Variants in TOP1MT observed in about 807,000 individuals in gnomAD.
TOP1MT encodes the protein DNA topoisomerase I, mitochondrial.
TOP1MT carries 80 observed loss-of-function variants against 73.9 expected under a neutral mutation model. The observed-to-expected ratio is 1.08, with a 90% CI of 0.90 to 1.30. The LOEUF (loss-of-function observed/expected upper bound fraction) is 1.30. TOP1MT is among the 50% of genes most tolerant of loss of function. The pLI is 0.00. For missense variants in TOP1MT, 815 were observed against 808.0 expected (o/e 1.01, Z -0.10); for synonymous variants, 338 against 326.4 (o/e 1.04, Z -0.38).
chr8:143,329,137 A>G (rs1459665864), intron 3 of TOP1MT, among the ~76,000 whole-genome samples: 1 of 152,028 alleles, frequency 6.6e-6, no homozygotes, highest in Non-Finnish European at 1.5e-5. Flanking sequence ...ACACACTGGC[A>G]CCGCCTATGG....
At chr8:143,320,283 G>A (rs1055598423) in intron 8 of TOP1MT, among the ~76,000 whole-genome samples, 1 of 151,884 alleles carries the variant, frequency 6.6e-6, no homozygotes, top group African/African-American at 2.4e-5. Flanking sequence ...CGCTCGCCAC[G>A]ATGCCCGGCT....
chr8:143,326,418 C>G, intron 3 of TOP1MT, 74 bp from the exon 4 acceptor site: 3 of 1,585,546 alleles, frequency 1.9e-6, no homozygotes, highest in Admixed American at 1.7e-5. Flanking sequence ...CCATGTCTGA[C>G]GGACAGAAAC....
chr8:143,359,079 C>T (rs1459610689), upstream of TOP1MT, among the ~76,000 whole-genome samples: 2 of 151,504 alleles, frequency 1.3e-5, no homozygotes, highest in Non-Finnish European at 2.9e-5. Context: ...TGAGCTCAAA[C>T]GATCCTCCTG....
chr8:143,315,686 C>T, intron 12 of TOP1MT, 41 bp downstream of exon 12: 2 of 1,559,020 alleles, frequency 1.3e-6, no homozygotes, highest in South Asian at 2.2e-5. Flanking sequence ...CGGGTTGGGA[C>T]AGGGCCCCGG....
At chr8:143,338,825 A>G (rs1817025767), upstream of TOP1MT, among the ~76,000 whole-genome samples, 2 of 152,208 alleles carry the variant, frequency 1.3e-5, no homozygotes, top group African/African-American at 4.8e-5. Flanking sequence ...CCTGCAGACC[A>G]GAAGGGGTTT....
chr8:143,352,057 G>T (rs1817329206), intron 1 of TOP1MT, among the ~76,000 whole-genome samples: 1 of 152,224 alleles, frequency 6.6e-6, no homozygotes, highest in African/African-American at 2.4e-5. Flanking sequence ...ACTGCAGCCT[G>T]GGCAACAAGA....
chr8:143,322,872 C>CACACAG, intron 7 of TOP1MT, among the ~76,000 whole-genome samples: 1 of 113,254 alleles, frequency 8.8e-6, no homozygotes, highest in South Asian at 3.0e-4. Context: ...GCACGCCACA[C>CACACAG]GCACGCAACA....
At chr8:143,320,532 A>T (rs1816302129) in intron 8 of TOP1MT, among the ~76,000 whole-genome samples, 1 of 152,202 alleles carries the variant, frequency 6.6e-6, no homozygotes, top group Non-Finnish European at 1.5e-5. Context: ...CTCCCGAAGC[A>T]CTGAGATTAC....
At chr8:143,334,190 C>T (rs958999123) in intron 1 of TOP1MT, 2 of 152,452 alleles carry the variant, frequency 1.3e-5, no homozygotes, top group African/African-American at 4.8e-5. Flanking sequence ...CTACCCCAGG[C>T]CCAGTATGCG....
chr8:143,356,080 G>A (rs1037359682), upstream of TOP1MT: 1 of 152,278 alleles, frequency 6.6e-6, no homozygotes, highest in Non-Finnish European at 1.5e-5. Flanking sequence ...ACATTTCCAT[G>A]TCATAATAAA....
chr8:143,330,450 G>C (rs1468373341), intron 2 of TOP1MT, among the ~76,000 whole-genome samples: 1 of 152,164 alleles, frequency 6.6e-6, no homozygotes, highest in Non-Finnish European at 1.5e-5. Flanking sequence ...CTCTGTCCCT[G>C]TGGAAGCTCC....
intron 1 of TOP1MT, among the ~76,000 whole-genome samples, chr8:143,353,963 CAAAA>C (rs1186472770): frequency 4.2e-5 from 2 of 47,626 alleles, no homozygotes; most frequent in African/African-American, 1.1e-4. Context: ...GACTCCATCC[CAAAA>C]AAAAAAAAAA....
At chr8:143,346,497 G>T (rs1399089358), upstream of TOP1MT, among the ~76,000 whole-genome samples, 1 of 152,164 alleles carries the variant, frequency 6.6e-6, no homozygotes, top group East Asian at 1.9e-4. Context: ...TAAGAAAGGG[G>T]GCTGTGCTGG....
At chr8:143,334,707 G>A (rs747714991) in intron 1 of TOP1MT, 33 bp downstream of exon 1, 4 of 1,596,898 alleles carry the variant, frequency 2.5e-6, no homozygotes, top group Non-Finnish European at 3.4e-6. Context: ...CGGTGCTCAG[G>A]GCCCTCGCCG....
At chr8:143,329,236 TCA>T in intron 3 of TOP1MT, 112 bp downstream of exon 3, 2 of 1,199,902 alleles carry the variant, frequency 1.7e-6, no homozygotes, top group Middle Eastern at 2.2e-4. Context: ...CTGTGAGTGG[TCA>T]CACAGGGGCC....
At chr8:143,315,035 C>A (rs1816116043) in intron 12 of TOP1MT, among the ~76,000 whole-genome samples, 1 of 152,100 alleles carries the variant, frequency 6.6e-6, no homozygotes, top group African/African-American at 2.4e-5. Context: ...ATTGCCAGGC[C>A]AACCATGGTC....
intron 8 of TOP1MT, among the ~76,000 whole-genome samples, chr8:143,318,887 G>A (rs1586753708): frequency 6.6e-6 from 1 of 152,206 alleles, no homozygotes; most frequent in Admixed American, 6.5e-5. Context: ...CTACACGTTT[G>A]GTTTCACACC....
intron 7 of TOP1MT, among the ~76,000 whole-genome samples, chr8:143,322,914 G>T (rs1394556112): frequency 2.5e-5 from 1 of 39,808 alleles, no homozygotes; most frequent in Non-Finnish European, 5.5e-5. Flanking sequence ...ACACACGCAC[G>T]CCACACACGC....
At chr8:143,353,357 A>C (rs1037180667) in intron 1 of TOP1MT, among the ~76,000 whole-genome samples, 23 of 152,128 alleles carry the variant, frequency 1.5e-4, no homozygotes, top group Admixed American at 3.9e-4. Context: ...TCAAGGCTGC[A>C]GTGAGCTATG....
Sources: allele counts gnomAD v4.1 joint callset (sites outside exome capture counted in the v4.1 genomes callset), GRCh38; gene constraint gnomAD v4.1.1; transcripts MANE v1.5; gene names NCBI Gene and HGNC (gene_info 2026-07-23, HGNC 2026-07-21).